Variants in RBFOX1 observed in about 807,000 individuals in gnomAD.
RBFOX1 encodes RNA binding protein fox-1 homolog 1.
A neutral mutation model predicts 57.7 loss-of-function variants in RBFOX1; 8 were observed. The observed-to-expected ratio is 0.14, with a 90% CI of 0.08 to 0.25. The LOEUF is 0.25. Among genes scored for constraint, RBFOX1 ranks in the 10% least tolerant of loss-of-function variants. The pLI is 1.00. For synonymous variants in RBFOX1, 326 were observed against 222.4 expected (o/e 1.47, Z -4.15); for missense variants, 611 against 548.5 (o/e 1.11, Z -1.14).
chr16:6,152,931 A>T (rs2096808155), intron 1 of RBFOX1, among the ~76,000 whole-genome samples: 1 of 152,164 alleles, frequency 6.6e-6, no homozygotes, highest in African/African-American at 2.4e-5. Context: ...TTTAAGAGCT[A>T]GCTCAGTGCC....
intron 1 of RBFOX1, among the ~76,000 whole-genome samples, chr16:6,058,782 C>A (rs1377256082): frequency 1.3e-5 from 2 of 151,656 alleles, no homozygotes; most frequent in Non-Finnish European, 2.9e-5. Flanking sequence ...CCCACCCACC[C>A]ACCAACTAAT....
chr16:5,906,161 A>C (rs866811274), intron 4 of RBFOX1, among the ~76,000 whole-genome samples: 1 of 152,250 alleles, frequency 6.6e-6, no homozygotes, highest in Middle Eastern at 3.4e-3. Context: ...CCTCCCCCAG[A>C]CTGGTGAAGT....
chr16:5,824,743 T>C (rs2055976867), intron 3 of RBFOX1, among the ~76,000 whole-genome samples: 1 of 152,244 alleles, frequency 6.6e-6, no homozygotes. Flanking sequence ...CGTTGCTTTC[T>C]ACATTATAAC....
At chr16:6,922,291 A>G (rs919083146) in intron 3 of RBFOX1, among the ~76,000 whole-genome samples, 7 of 152,138 alleles carry the variant, frequency 4.6e-5, no homozygotes, top group Non-Finnish European at 7.4e-5. Context: ...TTATTCAGAT[A>G]TTGGAAAGCA....
chr16:5,315,193 T>C (rs964919281), intron 1 of RBFOX1, among the ~76,000 whole-genome samples: 1 of 152,226 alleles, frequency 6.6e-6, no homozygotes, highest in African/African-American at 2.4e-5. Context: ...AATGGCTCTG[T>C]ACCGGAGGGA....
intron 14 of RBFOX1, among the ~76,000 whole-genome samples, chr16:7,684,936 A>G (rs1381975905): frequency 6.6e-6 from 1 of 152,070 alleles, no homozygotes; most frequent in African/African-American, 2.4e-5. Context: ...AAATGAACAA[A>G]TGGGGGAAAA....
intron 4 of RBFOX1, among the ~76,000 whole-genome samples, chr16:7,236,207 A>G (rs563599301): frequency 6.6e-6 from 1 of 152,326 alleles, no homozygotes; most frequent in South Asian, 2.1e-4. Context: ...ATCAAAGTAA[A>G]TATTCAAGAG....
intron 13 of RBFOX1, 32 bp from the exon 14 acceptor site, chr16:7,676,742 A>C: frequency 1.9e-6 from 3 of 1,594,006 alleles, no homozygotes; most frequent in Non-Finnish European, 1.7e-6. Flanking sequence ...GCTCCGCTAC[A>C]TTCCTGAGTC....
chr16:6,442,373 T>C (rs1254334451), intron 2 of RBFOX1, among the ~76,000 whole-genome samples: 1 of 151,916 alleles, frequency 6.6e-6, no homozygotes, highest in Non-Finnish European at 1.5e-5. Flanking sequence ...CAGACCAACA[T>C]GGTGAAAATC....
chr16:5,823,597 T>C (rs1214368157), intron 3 of RBFOX1, among the ~76,000 whole-genome samples: 1 of 152,124 alleles, frequency 6.6e-6, no homozygotes, highest in African/African-American at 2.4e-5. Context: ...TTCATCTTTA[T>C]TTACAGCCAC....
intron 2 of RBFOX1, among the ~76,000 whole-genome samples, chr16:5,485,279 G>A (rs1157115888): frequency 1.4e-5 from 2 of 138,744 alleles, no homozygotes; most frequent in African/African-American, 5.3e-5. Context: ...CCAGGAGGCG[G>A]AGCTTGCAGT....
chr16:5,879,203 G>A (rs961109049), intron 4 of RBFOX1, among the ~76,000 whole-genome samples: 2 of 152,216 alleles, frequency 1.3e-5, no homozygotes, highest in Non-Finnish European at 2.9e-5. Context: ...GGGACTGACT[G>A]CAAATGCAGT....
intron 3 of RBFOX1, among the ~76,000 whole-genome samples, chr16:7,028,171 G>C (rs1056592320): frequency 6.6e-6 from 1 of 152,152 alleles, no homozygotes; most frequent in African/African-American, 2.4e-5. Context: ...TTGGCTTACA[G>C]ATTTGAAGAA....
At chr16:5,281,778 T>C (rs2063277011) in intron 1 of RBFOX1, among the ~76,000 whole-genome samples, 1 of 152,362 alleles carries the variant, frequency 6.6e-6, no homozygotes, top group South Asian at 2.1e-4. Context: ...GTGTGGTATA[T>C]CTTTTTCAAT....
At chr16:5,581,551 A>G (rs1440157113) in intron 2 of RBFOX1, among the ~76,000 whole-genome samples, 2 of 152,208 alleles carry the variant, frequency 1.3e-5, no homozygotes, top group African/African-American at 4.8e-5. Flanking sequence ...GCTAATGGGC[A>G]TGATGCTGCA....
chr16:6,639,374 C>G (rs2098468793), intron 2 of RBFOX1, among the ~76,000 whole-genome samples: 1 of 152,186 alleles, frequency 6.6e-6, no homozygotes, highest in East Asian at 1.9e-4. Context: ...TTGAGATAGA[C>G]TATCTATCAG....
intron 4 of RBFOX1, among the ~76,000 whole-genome samples, chr16:5,890,771 G>GC (rs972389855): frequency 6.6e-6 from 1 of 151,786 alleles, no homozygotes; most frequent in African/African-American, 2.4e-5. Flanking sequence ...TGGAGCCTGG[G>GC]CTTTAGATCC....
intron 3 of RBFOX1, among the ~76,000 whole-genome samples, chr16:6,959,209 T>C (rs902289981): frequency 4.6e-5 from 7 of 152,214 alleles, no homozygotes; most frequent in African/African-American, 1.7e-4. Context: ...TTTCAGATTG[T>C]ACTTAAAAAG....
chr16:5,457,040 G>C (rs949504465), intron 1 of RBFOX1, among the ~76,000 whole-genome samples: 4 of 152,306 alleles, frequency 2.6e-5, no homozygotes, highest in East Asian at 1.9e-4. Flanking sequence ...TTGAGGTGCC[G>C]GCCGGTTTGG....
Sources: allele counts gnomAD v4.1 joint callset (sites outside exome capture counted in the v4.1 genomes callset), GRCh38; gene constraint gnomAD v4.1.1; transcripts MANE v1.5; gene names NCBI Gene and HGNC (gene_info 2026-07-23, HGNC 2026-07-21).